Variants in AEBP2 observed in about 807,000 individuals in gnomAD.
AEBP2 encodes AE binding protein 2.
Under a neutral mutation model 50.8 loss-of-function variants are expected in AEBP2, and 10 were observed. That is an observed-to-expected ratio of 0.20 (90% CI 0.12 to 0.33). The LOEUF (loss-of-function observed/expected upper bound fraction) is 0.33. AEBP2 is among the 10% of genes least tolerant of loss of function. The pLI, the probability that AEBP2 is intolerant of heterozygous loss-of-function variation, is 1.00. For synonymous variants in AEBP2, 296 were observed against 261.3 expected, an observed-to-expected ratio of 1.13 and a Z score of -1.28; for missense variants, 570 against 688.0, an observed-to-expected ratio of 0.83 and a Z score of 1.92.
Position 19,440,072 on chromosome 12 carries a change from C to T in AEBP2, c.373C>T (p.Leu125=), listed in dbSNP as rs1436410859. The T allele has an allele frequency of 9.2e-6, 14 of 1,513,660 alleles. No homozygotes were observed. In the East Asian group the frequency reaches 3.7e-4, roughly 40 times the overall value. The allele number at this position is 1,513,660 out of a possible 1,614,324, so 93.8% of individuals were successfully genotyped here. The change falls in exon 1 of 8, where the codon CTG becomes TTG. Residue 125 remains leucine, a synonymous_variant. Transcript: ENST00000266508. ...TGAGGAGGAGAGTAGCGCCGAGAGC[C>T]TGGTGGGCAGCAGCGGCGGGAGCAG... ...GGEEESSAES[L]VGSSGGSSSD...
At chr12:19,454,253 A>G (rs1454870210) in intron 1 of AEBP2, among the ~76,000 whole-genome samples, 1 of 152,170 alleles carries the variant, frequency 6.6e-6, no homozygotes, top group Non-Finnish European at 1.5e-5. Context: ...GGAAGACAAC[A>G]TTGTTTATTG....
chr12:19,483,006 C>A (rs1349548272), intron 3 of AEBP2, among the ~76,000 whole-genome samples: 2 of 152,144 alleles, frequency 1.3e-5, no homozygotes, highest in Admixed American at 1.3e-4. Flanking sequence ...AGACCTCGCC[C>A]CTCCCCGTCT....
intron 4 of AEBP2, among the ~76,000 whole-genome samples, chr12:19,497,326 GTGTTT>G (rs551653691): frequency 0.033 from 2,004 of 60,102 alleles, 18 homozygotes; most frequent in East Asian, 0.12. Flanking sequence ...GTTTCCAAAG[GTGTTT>G]TTTTTTTTTT....
chr12:19,484,560 A>T (rs914859081), intron 3 of AEBP2, among the ~76,000 whole-genome samples: 1 of 151,900 alleles, frequency 6.6e-6, no homozygotes, highest in Admixed American at 6.6e-5. Flanking sequence ...TTTTTAGTAG[A>T]AACGGGGTTT....
At chr12:19,475,572 T>G (rs978574393) in intron 3 of AEBP2, among the ~76,000 whole-genome samples, 1 of 152,200 alleles carries the variant, frequency 6.6e-6, no homozygotes, top group African/African-American at 2.4e-5. Flanking sequence ...GTCATTCATA[T>G]AATGACTTTT....
chr12:19,430,191 A>G (rs1246326147), intron 1 of AEBP2, among the ~76,000 whole-genome samples: 1 of 152,188 alleles, frequency 6.6e-6, no homozygotes, highest in Non-Finnish European at 1.5e-5. Context: ...AGCTTTCTAC[A>G]TATGGCTAGC....
intron 1 of AEBP2, among the ~76,000 whole-genome samples, chr12:19,451,069 C>T (rs1333028624): frequency 1.3e-5 from 2 of 152,054 alleles, no homozygotes; most frequent in African/African-American, 4.8e-5. Context: ...ATACGAATAA[C>T]AGTTTATTAG....
chr12:19,510,801 TGTTACA>T (rs960154426), intron 5 of AEBP2, among the ~76,000 whole-genome samples: 25 of 152,170 alleles, frequency 1.6e-4, no homozygotes, highest in Admixed American at 9.8e-4. Context: ...TAATGAGACA[TGTTACA>T]GTTTTTGTTC....
chr12:19,421,867 A>C (rs2095746000), intron 1 of AEBP2, among the ~76,000 whole-genome samples: 1 of 152,098 alleles, frequency 6.6e-6, no homozygotes, highest in South Asian at 2.1e-4. Context: ...CAGTATATCA[A>C]GGATAGGTGT....
chr12:19,418,894 A>ACGC (rs1555179242), intron 1 of AEBP2: 2 of 151,326 alleles, frequency 1.3e-5, no homozygotes, highest in Non-Finnish European at 2.9e-5. Flanking sequence ...AGCCTGGGTG[A>ACGC]CAGCCTCTGA....
chr12:19,417,555 G>A (rs912439688), intron 1 of AEBP2, among the ~76,000 whole-genome samples: 2 of 150,514 alleles, frequency 1.3e-5, no homozygotes, highest in African/African-American at 4.9e-5. Context: ...TTATAGGCAC[G>A]CACCACCACA....
At chr12:19,502,420 C>G (rs1346410578) in intron 5 of AEBP2, among the ~76,000 whole-genome samples, 1 of 152,146 alleles carries the variant, frequency 6.6e-6, no homozygotes, top group Non-Finnish European at 1.5e-5. Context: ...AGGCATGAGC[C>G]ACCATGCCCG....
chr12:19,421,236 C>G lies in AEBP2; in HGVS notation c.-17+17020C>G, dbSNP rs2095745534. On this transcript the variant is annotated intron_variant, in intron 1 of 3. Coordinates refer to the AEBP2 transcript ENST00000538425. ...CTGGACACCTGTAATCCCTGCTACTCAGGATGCTGAGCCAGAAGAATTGCT... is the reference window on the plus strand; with the variant it reads ...CTGGACACCTGTAATCCCTGCTACTGAGGATGCTGAGCCAGAAGAATTGCT... Among the ~76,000 whole-genome samples the G allele has an allele frequency of 2.0e-5, 3 of 148,462 alleles. No individual in the cohort carries two copies. In the South Asian group the frequency reaches 6.3e-4, roughly 31 times the overall value.
intron 2 of AEBP2, among the ~76,000 whole-genome samples, chr12:19,466,182 C>CAA (rs1180396049): frequency 1.3e-5 from 2 of 152,068 alleles, no homozygotes; most frequent in African/African-American, 4.8e-5. Flanking sequence ...TTTAAAAAAA[C>CAA]AAAAACATTT....
chr12:19,507,460 G>A (rs763845271), intron 5 of AEBP2, among the ~76,000 whole-genome samples: 7 of 152,130 alleles, frequency 4.6e-5, no homozygotes, highest in Non-Finnish European at 1.0e-4. Flanking sequence ...AAAAATTTGC[G>A]CAGACTCAAA....
chr12:19,505,973 T>C (rs1226565766), intron 5 of AEBP2, among the ~76,000 whole-genome samples: 1 of 151,982 alleles, frequency 6.6e-6, no homozygotes, highest in Non-Finnish European at 1.5e-5. Context: ...TTTTTTCTTG[T>C]AGAGATGACA....
intron 2 of AEBP2, among the ~76,000 whole-genome samples, chr12:19,465,533 C>T (rs1948457397): frequency 6.6e-6 from 1 of 152,124 alleles, no homozygotes; most frequent in Non-Finnish European, 1.5e-5. Flanking sequence ...TTTTTTCCTA[C>T]ATACCAGTCA....
At chr12:19,492,642 G>A (rs1192996551) in intron 3 of AEBP2, among the ~76,000 whole-genome samples, 1 of 151,742 alleles carries the variant, frequency 6.6e-6, no homozygotes, top group Non-Finnish European at 1.5e-5. Context: ...AGTCCGTATG[G>A]GTTTTCATTT....
In AEBP2 at chr12:19,514,117, G is replaced by A. The variant is rs571271042; in HGVS notation, c.1368-554G>A. ...TGGGTTCAAGCGATTCTTGTGCCTC[G>A]TTCTCCGGAGTTGATGGGAATACAG... On this transcript the variant is annotated intron_variant, in intron 6 of 7. Transcript: ENST00000266508. 3.3e-5 allele frequency among the ~76,000 whole-genome samples: 5 copies of A among 151,550 alleles called. No individual in the cohort carries two copies. In the South Asian group the frequency reaches 8.4e-4, roughly 25 times the overall value.
Sources: allele counts gnomAD v4.1 joint callset (sites outside exome capture counted in the v4.1 genomes callset), GRCh38; gene constraint gnomAD v4.1.1; transcripts MANE v1.5; gene names NCBI Gene and HGNC (gene_info 2026-07-23, HGNC 2026-07-21).